Variants in ATL3 observed in about 807,000 individuals in gnomAD.
ATL3 encodes the protein atlastin GTPase 3.
Under a neutral mutation model 69.5 loss-of-function variants are expected in ATL3, and 49 were observed. That is an observed-to-expected ratio of 0.71 (90% CI 0.56 to 0.89). The LOEUF is 0.89. Among genes scored for constraint, ATL3 ranks in the 40% least tolerant of loss-of-function variants. The pLI, the probability that ATL3 is intolerant of heterozygous loss-of-function variation, is 0.00. For synonymous variants in ATL3, 214 were observed against 224.1 expected, an observed-to-expected ratio of 0.95 and a Z score of 0.40; for missense variants, 606 against 645.7, an observed-to-expected ratio of 0.94 and a Z score of 0.67.
intron 5 of ATL3, among the ~76,000 whole-genome samples, chr11:63,651,473 C>T (rs927037114): frequency 6.6e-6 from 1 of 151,892 alleles, no homozygotes; most frequent in Admixed American, 6.6e-5. Context: ...GGTCAGATAA[C>T]ATCATTGCTG....
At chr11:63,657,741 TCTTC>T (rs1054435633) in intron 3 of ATL3, among the ~76,000 whole-genome samples, 27 of 152,216 alleles carry the variant, frequency 1.8e-4, no homozygotes, top group African/African-American at 2.9e-4. Context: ...TGTTTTCACA[TCTTC>T]CTTCCTTTTA....
chr11:63,667,838 G>A (rs1940624529), intron 1 of ATL3, among the ~76,000 whole-genome samples: 1 of 151,602 alleles, frequency 6.6e-6, no homozygotes, highest in Admixed American at 6.6e-5. Context: ...TGACATTGGA[G>A]CTGCACAACT....
chr11:63,671,184 C>A (rs963845933), intron 1 of ATL3, 106 bp downstream of exon 1: 24 of 1,446,280 alleles, frequency 1.7e-5, no homozygotes, highest in East Asian at 2.9e-5. Flanking sequence ...GTCCCAGCCC[C>A]GGGACGAGGA....
rs1939113229 is a variant in ATL3, at chr11:63,626,371, C to T, written c.*2948G>A. On this transcript the variant is annotated 3_prime_UTR_variant, in exon 13 of 13. Coordinates refer to ENST00000398868, the MANE Select transcript of ATL3 (RefSeq NM_015459.5). ...TCCAACCTGGGCGACAGAGCGAGAC[C>T]TCTGTCTCAAAAAATAAAATAAAAT... 1 of 152,078 alleles carries T rather than the reference C, an allele frequency of 6.6e-6. No individual in the cohort carries two copies. Among genetic ancestry groups the T allele is most frequent in the Admixed American group, 6.6e-5 (1 of 15,266 alleles). 9.4% of individuals were successfully genotyped at this position (152,078 alleles called of 1,614,324 possible).
intron 6 of ATL3, among the ~76,000 whole-genome samples, chr11:63,645,817 G>A (rs1216292136): frequency 6.6e-6 from 1 of 151,834 alleles, no homozygotes; most frequent in East Asian, 1.9e-4. Flanking sequence ...GCCCAGGCTG[G>A]AGTATAGTGG....
At chr11:63,663,201 C>G (rs936864220) in intron 1 of ATL3, among the ~76,000 whole-genome samples, 1 of 152,114 alleles carries the variant, frequency 6.6e-6, no homozygotes, top group African/African-American at 2.4e-5. Flanking sequence ...TTACTGCAGC[C>G]TCAAACTCCT....
At chr11:63,629,478 C>T in intron 12 of ATL3, 73 bp from the exon 13 acceptor site, 1 of 1,321,748 alleles carries the variant, frequency 7.6e-7, no homozygotes, top group East Asian at 2.3e-5. Flanking sequence ...AGTCCTTAAA[C>T]TTTCAAAAAC....
At chr11:63,653,422 A>G (rs1171068868) in intron 3 of ATL3, among the ~76,000 whole-genome samples, 1 of 151,968 alleles carries the variant, frequency 6.6e-6, no homozygotes, top group African/African-American at 2.4e-5. Flanking sequence ...CCGAGACCAC[A>G]CTACTGTACT....
intron 5 of ATL3, among the ~76,000 whole-genome samples, chr11:63,650,322 T>C (rs1940031961): frequency 6.6e-6 from 1 of 152,326 alleles, no homozygotes; most frequent in Non-Finnish European, 1.5e-5. Context: ...GTGCTCCATA[T>C]AGATCTTTTT....
intron 5 of ATL3, among the ~76,000 whole-genome samples, chr11:63,648,894 GATC>G (rs988438022): frequency 1.3e-5 from 2 of 151,982 alleles, no homozygotes; most frequent in African/African-American, 4.8e-5. Context: ...GAGGCAGGCA[GATC>G]ATTTCAGGTT....
chr11:63,656,006 C>T (rs573934923), intron 3 of ATL3, among the ~76,000 whole-genome samples: 2 of 152,012 alleles, frequency 1.3e-5, no homozygotes, highest in African/African-American at 4.8e-5. Flanking sequence ...GGGCAGATCA[C>T]GAGGTCAGGA....
At chr11:63,662,800 G>A (rs1243340976) in intron 1 of ATL3, among the ~76,000 whole-genome samples, 4 of 152,148 alleles carry the variant, frequency 2.6e-5, no homozygotes, top group Non-Finnish European at 5.9e-5. Flanking sequence ...GTCGACTTAA[G>A]GAGACATATT....
At chr11:63,663,800 T>C (rs1169006403) in intron 1 of ATL3, among the ~76,000 whole-genome samples, 2 of 152,226 alleles carry the variant, frequency 1.3e-5, no homozygotes, top group Non-Finnish European at 2.9e-5. Flanking sequence ...CCTCCTGCTA[T>C]ATAATAGATT....
intron 12 of ATL3, 148 bp downstream of exon 12, chr11:63,630,892 C>A: frequency 1.6e-6 from 1 of 637,056 alleles, no homozygotes; most frequent in Non-Finnish European, 2.6e-6. Context: ...GATAATAAAA[C>A]ATACAGTCTA....
chr11:63,661,229 A>C (rs1452707863), intron 1 of ATL3, among the ~76,000 whole-genome samples: 3 of 151,962 alleles, frequency 2.0e-5, no homozygotes, highest in African/African-American at 7.3e-5. Context: ...CTCAAAAAAA[A>C]AAAAAAAGAA....
At chr11:63,654,733 G>A (rs1396555069) in intron 3 of ATL3, among the ~76,000 whole-genome samples, 2 of 96,812 alleles carry the variant, frequency 2.1e-5, no homozygotes, top group Non-Finnish European at 2.2e-5. Context: ...AGTTTTGCTC[G>A]TCACCCAGGC....
upstream of ATL3, chr11:63,671,821 G>C (rs1940797922): frequency 9.9e-7 from 1 of 1,008,206 alleles, no homozygotes; most frequent in African/African-American, 1.8e-5. Flanking sequence ...GTCCTCCTGC[G>C]AGCTGCGGCC....
chr11:63,671,694 G>T, upstream of ATL3: 1 of 1,315,204 alleles, frequency 7.6e-7, no homozygotes, highest in Non-Finnish European at 9.9e-7. Flanking sequence ...GCGCTCACTG[G>T]GTCCCGGCCA....
At position 63,636,265 on chromosome 11, in the gene ATL3, A is replaced by G. The variant is rs375019711; in HGVS notation, c.920T>C (p.Met307Thr). The G allele has an allele frequency of 1.2e-6, 2 of 1,613,970 alleles. No homozygotes were observed. The highest frequency in any genetic ancestry group is 1.7e-6 in the Non-Finnish European group (2 of 1,180,022). Residue 307 changes from methionine (M) to threonine (T), a missense_variant, in exon 9 of 13, where the codon ATG becomes ACG. Transcript: ENST00000398868. ...IPYVLNPSKL[M>T]EKEINGSKVT... ...CTTTGAGCCATTGATCTCCTTTTCC[A>G]TTAACTTAGATGGGTTTAATACATA... is the stretch of plus-strand genomic sequence containing the variant.
Sources: allele counts gnomAD v4.1 joint callset (sites outside exome capture counted in the v4.1 genomes callset), GRCh38; gene constraint gnomAD v4.1.1; transcripts MANE v1.5; gene names NCBI Gene and HGNC (gene_info 2026-07-23, HGNC 2026-07-21).